Variants in MYO7A observed in about 807,000 individuals in gnomAD.
MYO7A encodes the protein unconventional myosin-VIIa.
A neutral mutation model predicts 263.8 loss-of-function variants in MYO7A; 210 were observed. The ratio of observed to expected loss-of-function variants is 0.80; its 90% CI spans 0.71 to 0.89. The LOEUF (loss-of-function observed/expected upper bound fraction) is 0.89. Ranked by LOEUF, MYO7A falls within the 40% of genes least tolerant of loss-of-function variation. The pLI is 0.00. For synonymous variants in MYO7A, 1,239 were observed against 1,197.3 expected (o/e 1.03, Z -0.72); for missense variants, 2,820 against 2,968.3 (o/e 0.95, Z 1.16).
chr11:77,189,327 C>T lies in MYO7A; in HGVS notation c.3504-17C>T. The T allele has an allele frequency of 6.2e-7, 1 of 1,612,430 alleles. No individual in the cohort carries two copies. The highest frequency in any genetic ancestry group is 8.5e-7 in the Non-Finnish European group (1 of 1,179,810). On this transcript the variant is annotated splice_polypyrimidine_tract_variant and intron_variant, in intron 27 of 48. Transcript: ENST00000409709. ...CTGTGGGGTGATTCCCCCTCCCTTGCCCTGCTGCCTGCCCAGGGACGAGAT... is the reference window on the plus strand; with the variant it reads ...CTGTGGGGTGATTCCCCCTCCCTTGTCCTGCTGCCTGCCCAGGGACGAGAT...
intron 26 of MYO7A, 95 bp downstream of exon 26, chr11:77,183,252 G>A (rs1390191285): frequency 3.8e-6 from 4 of 1,042,042 alleles, no homozygotes; most frequent in Non-Finnish European, 5.8e-6. Context: ...ACGGAAGCAG[G>A]AGCAGGAGTG....
Position 77,181,543 on chromosome 11 carries a change from C to T in MYO7A, c.2858C>T (p.Ser953Leu). ...AAGATGTTTGGCTTCCTGGGGACTT[C>T]AGGTGGCCTGCCAGGCCAGGAGGGC... ...VDKMFGFLGT[S>L]GGLPGQEGQA... is the part of the protein sequence containing the mutation. Residue 953 changes from serine to leucine, a missense_variant, in exon 23 of 49, where the codon TCA becomes TTA. Coordinates refer to ENST00000409709, the MANE Select transcript of MYO7A (RefSeq NM_000260.4). The T allele has an allele frequency of 6.2e-7, 1 of 1,613,460 alleles. No individual in the cohort carries two copies. The highest frequency in any genetic ancestry group is 1.1e-5 in the South Asian group (1 of 91,060).
At chr11:77,135,265 T>C (rs1555047077) in intron 2 of MYO7A, among the ~76,000 whole-genome samples, 1 of 152,242 alleles carries the variant, frequency 6.6e-6, no homozygotes, top group African/African-American at 2.4e-5. Context: ...TTCTGCTTTC[T>C]GGTTTTGATT....
At chr11:77,159,596 T>A (rs1952805436) in intron 10 of MYO7A, 73 bp downstream of exon 10, 1 of 1,443,062 alleles carries the variant, frequency 6.9e-7, no homozygotes, top group Non-Finnish European at 9.6e-7. Flanking sequence ...CATTGGGGGC[T>A]GGGATGTAGG....
chr11:77,133,658 T>TTTTTG (rs113528095), intron 2 of MYO7A, among the ~76,000 whole-genome samples: 9,557 of 152,126 alleles, frequency 0.063, 385 homozygotes, highest in East Asian at 0.22. Context: ...ATGTGGTTGG[T>TTTTTG]TTTTGTTTTG....
intron 3 of MYO7A, among the ~76,000 whole-genome samples, chr11:77,143,428 A>AC (rs1298516469): frequency 7.2e-5 from 11 of 152,298 alleles, no homozygotes; most frequent in Middle Eastern, 3.4e-3. Flanking sequence ...TCACAGATTA[A>AC]CCCTTTATCT....
chr11:77,149,621 C>A (rs528330107), intron 4 of MYO7A, among the ~76,000 whole-genome samples: 1 of 152,266 alleles, frequency 6.6e-6, no homozygotes, highest in African/African-American at 2.4e-5. Context: ...CCTGGAATTA[C>A]GGCCCTTCAG....
At chr11:77,188,961 C>CGAACTCACCTGCCTGGGCCACCAGCT (rs1955831182) in intron 27 of MYO7A, among the ~76,000 whole-genome samples, 1 of 152,114 alleles carries the variant, frequency 6.6e-6, no homozygotes, top group Non-Finnish European at 1.5e-5. Flanking sequence ...ATCAGAGAGG[C>CGAACTCACCTGCCTGGGCCACCAGCT]GAACTCACCT....
chr11:77,129,931 C>T (rs1341271415), intron 1 of MYO7A, among the ~76,000 whole-genome samples: 3 of 152,198 alleles, frequency 2.0e-5, no homozygotes, highest in African/African-American at 7.2e-5. Context: ...AAGACCGAGG[C>T]ATCAGCAGGG....
chr11:77,175,224 C>A, intron 17 of MYO7A, 148 bp from the exon 18 acceptor site: 1 of 734,708 alleles, frequency 1.4e-6, no homozygotes, highest in Non-Finnish European at 2.2e-6. Context: ...AAAACTGGGG[C>A]TCAGAGAAGG....
chr11:77,172,447 G>A (rs1380658464), intron 15 of MYO7A, among the ~76,000 whole-genome samples: 5 of 152,152 alleles, frequency 3.3e-5, no homozygotes, highest in East Asian at 1.9e-4. Context: ...GTTATCCAGC[G>A]CACCAGGTGC....
At position 77,181,932 on chromosome 11, in the gene MYO7A, T is replaced by C. The variant is rs1555084731; in HGVS notation, c.2905-19T>C. On this transcript the variant is annotated intron_variant, in intron 23 of 48. Transcript: ENST00000409709. ...CCTGAGTAGCTGGGACTCCAGGGCA[T>C]ACCTCTTGTCTCCTTCAGGACCTGG... The C allele has an allele frequency of 6.2e-6, 10 of 1,611,750 alleles. No individual in the cohort carries two copies. Among genetic ancestry groups the C allele is most frequent in the Non-Finnish European group, 6.8e-6 (8 of 1,178,988 alleles).
intron 33 of MYO7A, among the ~76,000 whole-genome samples, chr11:77,198,061 A>C (rs1337252187): frequency 2.0e-5 from 3 of 152,208 alleles, no homozygotes; most frequent in Non-Finnish European, 4.4e-5. Flanking sequence ...TGTGAAGTCG[A>C]GAGTAGCAGA....
At position 77,172,730 on chromosome 11, in the gene MYO7A, TGCCG is replaced by T. The variant is rs1555076894; in HGVS notation, c.1798-17_1798-14del. ...GGGCAGGCACAGCCCCTCCCATCGC[TGCCG>T]TCCGTCCCCCCAGGGCGCCGAGACC... is the stretch of plus-strand genomic sequence containing the variant. On this transcript the variant is annotated splice_polypyrimidine_tract_variant and intron_variant, in intron 15 of 48. Coordinates refer to ENST00000409709, the MANE Select transcript of MYO7A (RefSeq NM_000260.4). 53 of 1,550,066 alleles carry T rather than the reference TGCCG, an allele frequency of 3.4e-5. No individual in the cohort carries two copies. The highest frequency in any genetic ancestry group is 4.4e-5 in the Non-Finnish European group (50 of 1,147,970).
intron 4 of MYO7A, among the ~76,000 whole-genome samples, chr11:77,155,612 CACAA>C (rs1952382718): frequency 6.6e-6 from 1 of 152,358 alleles, no homozygotes; most frequent in South Asian, 2.1e-4. Context: ...CTTTAATCTT[CACAA>C]ACAGTTACGC....
chr11:77,179,021 C>T (rs782115862), intron 19 of MYO7A, 24 bp from the exon 20 acceptor site: 4 of 1,573,608 alleles, frequency 2.5e-6, no homozygotes, highest in South Asian at 1.2e-5. Flanking sequence ...ACACTGCTCA[C>T]CCGCGCCACT....
chr11:77,182,534 G>A lies in MYO7A; in HGVS notation c.3219G>A (p.Lys1073=), dbSNP rs782657606. 6.2e-7 allele frequency: 1 copy of A among 1,613,446 alleles called. No individual in the cohort carries two copies. The highest frequency in any genetic ancestry group is 1.1e-5 in the South Asian group (1 of 91,086). ...DGSEKIPVMT[K]IYETLGKKTY... Reference sequence around the variant, plus strand: ...GTGAGAAGATCCCTGTGATGACCAAGATTTATGAGACCCTGGGCAAGAAGA... The same window carrying A: ...GTGAGAAGATCCCTGTGATGACCAAAATTTATGAGACCCTGGGCAAGAAGA... Residue 1073 remains lysine (K), a synonymous_variant, in exon 25 of 49, where the codon AAG becomes AAA. Transcript: ENST00000409709.
intron 27 of MYO7A, among the ~76,000 whole-genome samples, chr11:77,186,358 T>C (rs557200225): frequency 6.6e-6 from 1 of 152,344 alleles, no homozygotes; most frequent in South Asian, 2.1e-4. Flanking sequence ...GCCATTGACT[T>C]CTCTCTAGCT....
chr11:77,154,056 A>G (rs932752766), intron 4 of MYO7A, among the ~76,000 whole-genome samples: 34 of 152,180 alleles, frequency 2.2e-4, no homozygotes, highest in African/African-American at 6.5e-4. Flanking sequence ...TGGAGGTTGC[A>G]GTGAGCTGAG....
Sources: gnomAD v4.1 joint callset for allele counts (sites outside exome capture counted in the v4.1 genomes callset) on GRCh38, gnomAD v4.1.1 for gene constraint, MANE v1.5 for transcripts, NCBI Gene and HGNC (gene_info 2026-07-23, HGNC 2026-07-21) for gene names.